Variants in CTNNA3 observed in about 807,000 individuals in gnomAD.
CTNNA3 encodes catenin alpha 3.
A neutral mutation model predicts 95.7 loss-of-function variants in CTNNA3; 76 were observed. That is an observed-to-expected ratio of 0.79 (90% CI 0.66 to 0.96). The LOEUF is 0.96. Among genes scored for constraint, CTNNA3 ranks in the 40% least tolerant of loss-of-function variants. The pLI is 0.00. For missense variants in CTNNA3, 1,191 were observed against 1,089.8 expected, an observed-to-expected ratio of 1.09 and a Z score of -1.31; for synonymous variants, 431 against 374.4, an observed-to-expected ratio of 1.15 and a Z score of -1.74.
At chr10:67,138,898 G>C (rs910779571) in intron 7 of CTNNA3, among the ~76,000 whole-genome samples, 1 of 152,034 alleles carries the variant, frequency 6.6e-6, no homozygotes, top group African/African-American at 2.4e-5. Flanking sequence ...CAGTGGACAG[G>C]GCACTTTAAA....
At chr10:65,946,406 T>C (rs756706701) in intron 17 of CTNNA3, among the ~76,000 whole-genome samples, 6 of 151,738 alleles carry the variant, frequency 4.0e-5, no homozygotes, top group Non-Finnish European at 7.4e-5. Context: ...TCACTGAATC[T>C]CTCTGTCTCT....
chr10:67,629,247 C>G (rs1181916931), intron 2 of CTNNA3, among the ~76,000 whole-genome samples: 1 of 152,078 alleles, frequency 6.6e-6, no homozygotes, highest in African/African-American at 2.4e-5. Context: ...TCCTATTAAT[C>G]TGCCTTTTCT....
intron 9 of CTNNA3, among the ~76,000 whole-genome samples, chr10:66,757,337 T>C (rs1839403608): frequency 1.3e-5 from 2 of 152,142 alleles, no homozygotes; most frequent in African/African-American, 4.8e-5. Flanking sequence ...TTCGAGTCTA[T>C]ACTTCTATTA....
At chr10:67,234,572 A>C (rs986706513) in intron 5 of CTNNA3, among the ~76,000 whole-genome samples, 11 of 152,058 alleles carry the variant, frequency 7.2e-5, no homozygotes, top group African/African-American at 2.2e-4. Flanking sequence ...AATGGGCAAA[A>C]ACTGGAAGCA....
At chr10:67,523,650 A>G (rs1338753521) in intron 4 of CTNNA3, among the ~76,000 whole-genome samples, 2 of 152,190 alleles carry the variant, frequency 1.3e-5, no homozygotes. Flanking sequence ...AGACAATTTG[A>G]GTTGGGCCCC....
intron 11 of CTNNA3, among the ~76,000 whole-genome samples, chr10:66,436,641 T>A (rs1470018843): frequency 6.6e-6 from 1 of 151,846 alleles, no homozygotes; most frequent in Admixed American, 6.6e-5. Context: ...TGACTCTTTA[T>A]CCAATTTGTC....
At chr10:67,759,431 A>G (rs967134808) in intron 1 of CTNNA3, among the ~76,000 whole-genome samples, 1 of 152,228 alleles carries the variant, frequency 6.6e-6, no homozygotes, top group Admixed American at 6.5e-5. Flanking sequence ...AGCTAAGTTA[A>G]TATTACCATA....
intron 7 of CTNNA3, among the ~76,000 whole-genome samples, chr10:67,115,690 A>G (rs1284287749): frequency 2.6e-5 from 4 of 151,960 alleles, no homozygotes; most frequent in East Asian, 1.9e-4. Context: ...AAAAATAAAT[A>G]AACAGATTTA....
chr10:66,731,858 T>G (rs1478588562), intron 9 of CTNNA3, among the ~76,000 whole-genome samples: 2 of 152,152 alleles, frequency 1.3e-5, no homozygotes, highest in African/African-American at 4.8e-5. Context: ...AGAATACTAA[T>G]GAATAGCTCC....
intron 11 of CTNNA3, among the ~76,000 whole-genome samples, chr10:66,513,683 G>A (rs140146365): frequency 1.1e-4 from 17 of 152,316 alleles, no homozygotes; most frequent in Admixed American, 2.0e-4. Flanking sequence ...TAGGTCACAA[G>A]CAAGCTGGTC....
At chr10:66,546,396 T>C (rs983474212) in intron 10 of CTNNA3, among the ~76,000 whole-genome samples, 2 of 152,158 alleles carry the variant, frequency 1.3e-5, no homozygotes, top group Admixed American at 6.6e-5. Context: ...TAATAATAAA[T>C]GTATATTTCT....
chr10:65,920,982 T>C (rs562005460), intron 17 of CTNNA3, among the ~76,000 whole-genome samples: 1 of 152,234 alleles, frequency 6.6e-6, no homozygotes, highest in African/African-American at 2.4e-5. Flanking sequence ...CAATTAACTC[T>C]TATGCTAATT....
chr10:67,500,794 T>A (rs1022140840), intron 5 of CTNNA3, among the ~76,000 whole-genome samples: 8 of 152,190 alleles, frequency 5.3e-5, no homozygotes, highest in African/African-American at 1.9e-4. Flanking sequence ...TATTCCTCCA[T>A]CCTTGAGGAA....
chr10:67,423,792 G>T (rs1845825369), intron 5 of CTNNA3, among the ~76,000 whole-genome samples: 2 of 152,096 alleles, frequency 1.3e-5, no homozygotes, highest in Admixed American at 1.3e-4. Context: ...CCAAGAAAAG[G>T]ACTTGGCACA....
chr10:67,611,758 T>C (rs1843467885), intron 2 of CTNNA3, among the ~76,000 whole-genome samples: 1 of 152,144 alleles, frequency 6.6e-6, no homozygotes, highest in Non-Finnish European at 1.5e-5. Flanking sequence ...TCTTTTCTTG[T>C]TTATTAGCTA....
intron 9 of CTNNA3, among the ~76,000 whole-genome samples, chr10:66,628,946 G>A (rs1845036893): frequency 6.6e-6 from 1 of 152,040 alleles, no homozygotes; most frequent in Non-Finnish European, 1.5e-5. Context: ...AATTAGATAT[G>A]ATTATGTGAG....
At chr10:65,928,619 A>G (rs2077203622) in intron 17 of CTNNA3, among the ~76,000 whole-genome samples, 1 of 152,230 alleles carries the variant, frequency 6.6e-6, no homozygotes, top group South Asian at 2.1e-4. Context: ...TGCAGAAACC[A>G]CATGCAAAAT....
intron 13 of CTNNA3, among the ~76,000 whole-genome samples, chr10:66,274,094 A>G (rs902547988): frequency 6.6e-6 from 1 of 152,194 alleles, no homozygotes; most frequent in Non-Finnish European, 1.5e-5. Flanking sequence ...AGGCAAGGTT[A>G]GTAAACTTTT....
intron 7 of CTNNA3, among the ~76,000 whole-genome samples, chr10:67,120,892 T>C (rs1338993578): frequency 6.6e-6 from 1 of 152,068 alleles, no homozygotes; most frequent in African/African-American, 2.4e-5. Context: ...TGCAATATTG[T>C]ACCATTAACG....
Sources: allele counts gnomAD v4.1 joint callset (sites outside exome capture counted in the v4.1 genomes callset), GRCh38; gene constraint gnomAD v4.1.1; transcripts MANE v1.5; gene names NCBI Gene and HGNC (gene_info 2026-07-23, HGNC 2026-07-21).